The following TAF4 variants were observed in gnomAD, a reference collection of about 807,000 sequenced individuals.
The protein encoded by TAF4 is TATA-box binding protein associated factor 4.
A neutral mutation model predicts 90.3 loss-of-function variants in TAF4; 9 were observed. The observed-to-expected ratio is 0.10, with a 90% CI of 0.06 to 0.17. The LOEUF is 0.17. Among genes scored for constraint, TAF4 ranks in the 10% least tolerant of loss-of-function variants. The pLI is 1.00. For synonymous variants in TAF4, 818 were observed against 638.9 expected (o/e 1.28, Z -4.23); for missense variants, 1,351 against 1,370.7 (o/e 0.99, Z 0.23).
intron 7 of TAF4, among the ~76,000 whole-genome samples, 196 bp from the exon 8 acceptor site, chr20:62,004,074 GGCAGGACGTGGGCGAGGGGT>G (rs1203882411): frequency 6.6e-6 from 1 of 152,208 alleles, no homozygotes; most frequent in Admixed American, 6.5e-5. Flanking sequence ...GCCAGACCAG[GGCAGGACGTGGGCGAGGGGT>G]GCCCGTGTGA....
chr20:62,021,879 C>T (rs1176620843), intron 1 of TAF4, among the ~76,000 whole-genome samples: 3 of 152,128 alleles, frequency 2.0e-5, no homozygotes, highest in Non-Finnish European at 4.4e-5. Flanking sequence ...CCTCAGACGG[C>T]GACAGAGAGG....
chr20:62,052,054 T>C (rs1385401707), intron 1 of TAF4, among the ~76,000 whole-genome samples: 8 of 152,150 alleles, frequency 5.3e-5, no homozygotes, highest in Non-Finnish European at 1.0e-4. Context: ...CTTCCCCTTC[T>C]GCGTCCTGCA....
At chr20:62,006,000 C>A in intron 7 of TAF4, 1 of 153,082 alleles carries the variant, frequency 6.5e-6, no homozygotes, top group Non-Finnish European at 1.5e-5. Flanking sequence ...AACGTCATGA[C>A]TATAAAACCA....
chr20:61,985,684 G>A (rs1368704100), intron 14 of TAF4, among the ~76,000 whole-genome samples: 2 of 151,208 alleles, frequency 1.3e-5, no homozygotes, highest in East Asian at 1.9e-4. Flanking sequence ...AGGCACGAGG[G>A]AAGCTAGAAT....
chr20:62,033,838 C>G (rs969873899), intron 1 of TAF4, among the ~76,000 whole-genome samples: 3 of 151,794 alleles, frequency 2.0e-5, no homozygotes, highest in African/African-American at 4.8e-5. Flanking sequence ...GTCAGGAGAT[C>G]GAGACCATCC....
intron 14 of TAF4, chr20:61,980,036 G>C (rs2055529297): frequency 1.3e-5 from 2 of 152,502 alleles, no homozygotes; most frequent in African/African-American, 4.8e-5. Flanking sequence ...GGTTTGTTAG[G>C]TACAGGTGCT....
chr20:62,017,463 C>A (rs1424849932), intron 1 of TAF4, among the ~76,000 whole-genome samples: 1 of 151,336 alleles, frequency 6.6e-6, no homozygotes, highest in African/African-American at 2.4e-5. Flanking sequence ...ACGGTGAAAC[C>A]CCATCTCTAC....
rs2055802081 is a variant in TAF4 at position 62,014,531 on chromosome 20, G to A, written c.1521+16C>T. 2 of 1,590,668 alleles carry A rather than the reference G, an allele frequency of 1.3e-6. No individual in the cohort carries two copies. The highest frequency in any genetic ancestry group is 1.1e-5 in the South Asian group (1 of 89,110). On this transcript the variant is annotated intron_variant, in intron 2 of 14. Coordinates refer to ENST00000252996, the MANE Select transcript of TAF4 (RefSeq NM_003185.4). ...GCAGGGAAGGGGTTCGCACTCCAGG[G>A]CACACGTGCACTCACCTGTACGGTG...
At chr20:62,033,011 CG>C (rs965559280) in intron 1 of TAF4, among the ~76,000 whole-genome samples, 2 of 151,192 alleles carry the variant, frequency 1.3e-5, no homozygotes, top group Admixed American at 1.3e-4. Context: ...ATGATGGATG[CG>C]GGGGGAAAAA....
chr20:62,061,689 G>A (rs771918708), intron 1 of TAF4, among the ~76,000 whole-genome samples: 1 of 152,170 alleles, frequency 6.6e-6, no homozygotes, highest in Non-Finnish European at 1.5e-5. Context: ...ACTATCCTAA[G>A]CTGTACATAA....
Position 62,031,020 on chromosome 20 carries a change from G to C in TAF4, c.1361-16313C>G, listed in dbSNP as rs188957442. On this transcript the variant is annotated intron_variant, in intron 1 of 14. Coordinates refer to ENST00000252996, the MANE Select transcript of TAF4 (RefSeq NM_003185.4). The stretch of plus-strand genomic sequence containing the variant: ...AACAAACAGGAAATGACTTGCACTT[G>C]GTCTCAGGCAGGTTTTTCTCCACGG... Among the ~76,000 whole-genome samples the C allele has an allele frequency of 2.4e-4, 36 of 152,298 alleles. 1 individual carries two copies. The highest frequency in any genetic ancestry group is 2.2e-3 in the Admixed American group (33 of 15,302).
intron 1 of TAF4, among the ~76,000 whole-genome samples, chr20:62,015,084 C>T (rs537135021): frequency 2.0e-5 from 3 of 152,176 alleles, no homozygotes; most frequent in Non-Finnish European, 2.9e-5. Flanking sequence ...GCCAGGGCCA[C>T]GTCCGCTGGG....
At chr20:62,002,761 C>T (rs1232165281) in intron 9 of TAF4, among the ~76,000 whole-genome samples, 1 of 152,190 alleles carries the variant, frequency 6.6e-6, no homozygotes, top group Non-Finnish European at 1.5e-5. Context: ...TCCTGTAGTG[C>T]TGGCACTGTA....
chr20:61,996,148 G>A (rs1411903525), intron 14 of TAF4, among the ~76,000 whole-genome samples: 1 of 152,138 alleles, frequency 6.6e-6, no homozygotes, highest in Non-Finnish European at 1.5e-5. Context: ...ACCACGTACA[G>A]GGAACAAGCT....
chr20:61,976,364 G>A, intron 14 of TAF4, 29 bp from the exon 15 acceptor site: 3 of 1,609,682 alleles, frequency 1.9e-6, no homozygotes, highest in Admixed American at 1.7e-5. Context: ...AAGACAGTGT[G>A]TTAGTGGGGC....
At chr20:62,031,995 C>G (rs555272695) in intron 1 of TAF4, among the ~76,000 whole-genome samples, 25 of 152,290 alleles carry the variant, frequency 1.6e-4, no homozygotes, top group African/African-American at 5.8e-4. Flanking sequence ...CCCTCCTTTC[C>G]TCAGAGCTCC....
chr20:62,015,585 G>A (rs949038050), intron 1 of TAF4, among the ~76,000 whole-genome samples: 2 of 152,112 alleles, frequency 1.3e-5, no homozygotes, highest in Non-Finnish European at 2.9e-5. Context: ...CGTGCAATGA[G>A]GCACCGCCAC....
chr20:62,026,828 T>C (rs1391058272), intron 1 of TAF4, among the ~76,000 whole-genome samples: 1 of 152,212 alleles, frequency 6.6e-6, no homozygotes, highest in African/African-American at 2.4e-5. Flanking sequence ...TTCTAGGATT[T>C]ATCCTTATTC....
At chr20:62,009,290 T>G in intron 4 of TAF4, 116 bp from the exon 5 acceptor site, 1 of 1,131,372 alleles carries the variant, frequency 8.8e-7, no homozygotes, top group South Asian at 1.8e-5. Context: ...TTCTCTAAAC[T>G]TCTTTCAAGA....
Sources: allele counts gnomAD v4.1 joint callset (sites outside exome capture counted in the v4.1 genomes callset), GRCh38; gene constraint gnomAD v4.1.1; transcripts MANE v1.5; gene names NCBI Gene and HGNC (gene_info 2026-07-23, HGNC 2026-07-21).